The following CAST variants were observed in gnomAD, a reference collection of about 807,000 sequenced individuals.
The protein encoded by CAST is MIR583 host.
Under a neutral mutation model 119.6 loss-of-function variants are expected in CAST, and 76 were observed. The ratio of observed to expected loss-of-function variants is 0.64; its 90% confidence interval spans 0.53 to 0.77. The LOEUF is 0.77. Among genes scored for constraint, CAST ranks in the 30% least tolerant of loss-of-function variants. The pLI, the probability that CAST is intolerant of heterozygous loss-of-function variation, is 0.00. For missense variants in CAST, 953 were observed against 946.5 expected (o/e 1.01, Z -0.09); for synonymous variants, 319 against 331.6 (o/e 0.96, Z 0.41).
At chr5:96,022,414 C>G in the CAST span, among the ~76,000 whole-genome samples, 1 of 152,178 alleles carries the variant, frequency 6.6e-6, no homozygotes, top group South Asian at 2.1e-4. Context: ...GTATTTAAAA[C>G]AAGTAAAAAA....
chr5:95,975,529 A>G, the CAST span, among the ~76,000 whole-genome samples: 59 of 152,324 alleles, frequency 3.9e-4, no homozygotes, highest in African/African-American at 1.3e-3. Flanking sequence ...TTACCGTTCA[A>G]CTGAATTTTT....
rs142918722 is a variant in CAST, at chr5:96,573,099, T to C, written c.60+43219T>C. ...ATGCATGATGTAAGTAACTGTGTGG[T>C]TGCTGAGTCTACCCCATAAGGTAGT... On this transcript the variant is annotated intron_variant, in intron 1 of 11. Coordinates refer to the CAST transcript ENST00000505143. Among the ~76,000 whole-genome samples the C allele has an allele frequency of 3.3e-5, 5 of 152,308 alleles. No individual in the cohort carries two copies. The East Asian group carries it at 9.6e-4, about 29-fold the overall frequency.
the CAST span, among the ~76,000 whole-genome samples, chr5:96,407,317 C>T: frequency 1.3e-5 from 2 of 151,914 alleles, no homozygotes; most frequent in African/African-American, 2.4e-5. Flanking sequence ...AAGAAGCAAC[C>T]CCAGAAGACA....
chr5:96,697,364 G>A (rs1289677679), intron 3 of CAST, among the ~76,000 whole-genome samples: 1 of 151,908 alleles, frequency 6.6e-6, no homozygotes, highest in Non-Finnish European at 1.5e-5. Flanking sequence ...CTTGCTCAAT[G>A]AAGAGTTAGT....
At chr5:96,691,288 A>G (rs1189203176) in intron 2 of CAST, among the ~76,000 whole-genome samples, 3 of 152,218 alleles carry the variant, frequency 2.0e-5, no homozygotes, top group African/African-American at 4.8e-5. Flanking sequence ...ACAATATCGC[A>G]TACTCTAAAA....
chr5:96,103,970 C>T, the CAST span, among the ~76,000 whole-genome samples: 1 of 152,160 alleles, frequency 6.6e-6, no homozygotes, highest in African/African-American at 2.4e-5. Context: ...AGCATTTTTT[C>T]ATGGTGTGAA....
the CAST span, among the ~76,000 whole-genome samples, chr5:96,336,308 A>G: frequency 8.5e-5 from 13 of 152,208 alleles, no homozygotes; most frequent in Admixed American, 2.6e-4. Context: ...GTATTAGGTT[A>G]GTATTATAAG....
intron 1 of CAST, among the ~76,000 whole-genome samples, chr5:96,610,073 G>A (rs1254387961): frequency 6.6e-6 from 1 of 152,130 alleles, no homozygotes; most frequent in South Asian, 2.1e-4. Flanking sequence ...TGAATTATTG[G>A]GGGCAGGTTT....
At chr5:96,685,240 G>A (rs915628457) in intron 2 of CAST, among the ~76,000 whole-genome samples, 3 of 152,122 alleles carry the variant, frequency 2.0e-5, no homozygotes, top group African/African-American at 7.2e-5. Flanking sequence ...TTGAATGGAT[G>A]TTCAGTTCAC....
rs554049734 is a variant in CAST, at chr5:96,556,906, G to A, written c.60+27026G>A. Among the ~76,000 whole-genome samples, 5 of 152,188 alleles carry A rather than the reference G, an allele frequency of 3.3e-5. No individual in the cohort carries two copies. The South Asian group carries it at 8.3e-4, about 25-fold the overall frequency. ...AAGAGCAACTCCAAGACACATAATT[G>A]TCAGATTCACCAAAGTTGAAATGAA... is the stretch of plus-strand genomic sequence containing the variant. On this transcript the variant is annotated intron_variant, in intron 1 of 11. Coordinates refer to the CAST transcript ENST00000505143.
chr5:96,503,195 A>T, the CAST span, among the ~76,000 whole-genome samples: 2 of 152,230 alleles, frequency 1.3e-5, no homozygotes, highest in Non-Finnish European at 2.9e-5. Flanking sequence ...TTCACTAGTT[A>T]CTAGGAGTTT....
At position 96,597,598 on chromosome 5, in the gene CAST, G is replaced by A. The variant is rs140662316; in HGVS notation, c.60+67718G>A. On this transcript the variant is annotated intron_variant, in intron 1 of 11. Transcript: ENST00000505143. ...GCACCTTCCAACATCACACTCCTCC[G>A]TTAGTTTGCTCTGACTCACCCTCCT... Among the ~76,000 whole-genome samples the A allele has an allele frequency of 1.9e-3, 292 of 152,224 alleles. 1 individual carries two copies. The highest frequency in any genetic ancestry group is 0.017 in the Middle Eastern group (5 of 294).
the CAST span, among the ~76,000 whole-genome samples, chr5:96,307,276 T>C: frequency 1.3e-5 from 2 of 152,246 alleles, no homozygotes; most frequent in Non-Finnish European, 2.9e-5. Context: ...TTGTGACCCC[T>C]GCTCTTTTTT....
the CAST span, among the ~76,000 whole-genome samples, chr5:96,438,824 T>G: frequency 6.6e-6 from 1 of 152,214 alleles, no homozygotes; most frequent in Non-Finnish European, 1.5e-5. Context: ...AGAGCCATAA[T>G]GTAGTAATAC....
chr5:96,207,154 A>G, the CAST span, among the ~76,000 whole-genome samples: 1 of 152,248 alleles, frequency 6.6e-6, no homozygotes, highest in East Asian at 1.9e-4. Flanking sequence ...TTGATTTTGT[A>G]TCCTGAAACT....
intron 1 of CAST, among the ~76,000 whole-genome samples, chr5:96,549,618 G>T (rs935805326): frequency 1.3e-5 from 2 of 152,210 alleles, no homozygotes; most frequent in African/African-American, 2.4e-5. Flanking sequence ...ACAGGGGGTT[G>T]GGGGATTTCC....
chr5:96,617,478 T>A (rs368617534), intron 1 of CAST, among the ~76,000 whole-genome samples: 1 of 152,294 alleles, frequency 6.6e-6, no homozygotes, highest in East Asian at 1.9e-4. Context: ...TATGCAGGCA[T>A]CAATAATATT....
chr5:96,272,817 C>A, the CAST span, among the ~76,000 whole-genome samples: 1 of 152,028 alleles, frequency 6.6e-6, no homozygotes, highest in East Asian at 1.9e-4. Context: ...CTGATTTGAT[C>A]ATTACAAATT....
the CAST span, chr5:96,391,121 T>G: frequency 6.6e-6 from 1 of 152,206 alleles, no homozygotes; most frequent in African/African-American, 2.4e-5. Context: ...ACACTTCATA[T>G]CAAACAATAT....
Sources: gnomAD v4.1 joint callset for allele counts (sites outside exome capture counted in the v4.1 genomes callset) on GRCh38, gnomAD v4.1.1 for gene constraint, MANE v1.5 for transcripts, NCBI Gene and HGNC (gene_info 2026-07-23, HGNC 2026-07-21) for gene names.